Variants in RSF1 observed in about 807,000 individuals in gnomAD.
RSF1 encodes the protein HBV pX-associated protein 8.
RSF1 carries 13 observed loss-of-function variants against 145.2 expected under a neutral mutation model. That is an observed-to-expected ratio of 0.09 (90% confidence interval 0.06 to 0.14). RSF1 has a LOEUF of 0.14. Among genes scored for constraint, RSF1 ranks in the 10% least tolerant of loss-of-function variants. The pLI is 1.00. For synonymous variants in RSF1, 577 were observed against 592.6 expected (o/e 0.97, Z 0.38); for missense variants, 1,517 against 1,718.2 (o/e 0.88, Z 2.07).
At chr11:77,670,032 A>C (rs1271096045) in intron 15 of RSF1, among the ~76,000 whole-genome samples, 1 of 152,230 alleles carries the variant, frequency 6.6e-6, no homozygotes, top group Non-Finnish European at 1.5e-5. Context: ...AGGCTGAGGC[A>C]GGTGGACTGC....
At chr11:77,743,193 T>C (rs987803720) in intron 3 of RSF1, among the ~76,000 whole-genome samples, 2 of 152,206 alleles carry the variant, frequency 1.3e-5, no homozygotes, top group African/African-American at 4.8e-5. Context: ...GTTTTGTTCT[T>C]CTGGCTCAAG....
At chr11:77,758,340 C>T (rs1565171932) in intron 2 of RSF1, among the ~76,000 whole-genome samples, 1 of 152,096 alleles carries the variant, frequency 6.6e-6, no homozygotes, top group African/African-American at 2.4e-5. Context: ...CTGTTCAATG[C>T]AAAATCCATC....
Position 77,666,894 on chromosome 11 carries a change from A to G in RSF1, c.*23T>C. On this transcript the variant is annotated 3_prime_UTR_variant, in exon 16 of 16. Coordinates refer to ENST00000308488, the MANE Select transcript of RSF1 (RefSeq NM_016578.4). Reference sequence around the variant, plus strand: ...TGTGAGAGCTACCGTGGAATAAATTAGCACAAAAATGGAAAAAAAGTCTTA... The same window carrying G: ...TGTGAGAGCTACCGTGGAATAAATTGGCACAAAAATGGAAAAAAAGTCTTA... 3.3e-6 allele frequency: 5 copies of G among 1,498,350 alleles called. No homozygotes were observed. The highest frequency in any genetic ancestry group is 1.4e-5 in the South Asian group (1 of 70,862). The allele number at this position is 1,498,350 out of a possible 1,614,324, so 92.8% of individuals were successfully genotyped here. A position where few individuals can be genotyped will look rare whatever the true frequency, so the allele number is the denominator to read the frequency against.
intron 1 of RSF1, among the ~76,000 whole-genome samples, chr11:77,785,717 C>T (rs1371528472): frequency 2.0e-5 from 3 of 150,256 alleles, no homozygotes; most frequent in Admixed American, 6.6e-5. Context: ...TCTGGGAGGC[C>T]GAGGCAGGTG....
rs1381373486 is a variant in RSF1 at position 77,665,069 on chromosome 11, C to T, written c.*1848G>A. 6.6e-6 allele frequency: 1 copy of T among 151,954 alleles called. No homozygotes were observed. Among genetic ancestry groups the T allele is most frequent in the Non-Finnish European group, 1.5e-5 (1 of 68,000 alleles). 9.4% of individuals were successfully genotyped at this position (151,954 alleles called of 1,614,324 possible). A position where few individuals can be genotyped will look rare whatever the true frequency, so the allele number is the denominator to read the frequency against. ...AGAACTAAAGTGAAACAAAACAAAA[C>T]AACGAACAACTGAAAAACAATAGCT... is the stretch of plus-strand genomic sequence containing the variant. On this transcript the variant is annotated 3_prime_UTR_variant, in exon 16 of 16. Transcript: ENST00000308488.
intron 1 of RSF1, chr11:77,813,559 T>C: frequency 1.4e-6 from 1 of 706,298 alleles, no homozygotes. Context: ...GCTCCTCTGA[T>C]GAAGTCAGCA....
chr11:77,857,382 G>A, the RSF1 span, among the ~76,000 whole-genome samples: 1 of 152,122 alleles, frequency 6.6e-6, no homozygotes, highest in Non-Finnish European at 1.5e-5. Flanking sequence ...TAGAAGTGTA[G>A]GAGAAAATGC....
chr11:77,709,694 CT>C (rs60236346), intron 5 of RSF1, among the ~76,000 whole-genome samples: 27,160 of 150,086 alleles, frequency 0.18, 3,036 homozygotes, highest in African/African-American at 0.3. Flanking sequence ...TGTGCCAATT[CT>C]TTTTTTTTTA....
chr11:77,675,523 C>T (rs1490083078), intron 13 of RSF1, among the ~76,000 whole-genome samples: 1 of 152,182 alleles, frequency 6.6e-6, no homozygotes, highest in African/African-American at 2.4e-5. Flanking sequence ...TCGACATATT[C>T]AAAAGTGAAT....
intron 5 of RSF1, among the ~76,000 whole-genome samples, chr11:77,706,655 T>C (rs1177004794): frequency 6.6e-6 from 1 of 152,166 alleles, no homozygotes; most frequent in African/African-American, 2.4e-5. Context: ...ATTCCTCACT[T>C]TCCTAATTTT....
rs143988140 is a variant in RSF1 at position 77,679,606 on chromosome 11, G to C, written c.3066-1453C>G. ...GAGGATTGCTTGAGCCCAAGAGGCA[G>C]AGGATGAAGTAAGCCGAGAATGCAC... On this transcript the variant is annotated intron_variant, in intron 11 of 15. Coordinates refer to ENST00000308488, the MANE Select transcript of RSF1 (RefSeq NM_016578.4). Among the ~76,000 whole-genome samples, 27 of 151,618 alleles carry C rather than the reference G, an allele frequency of 1.8e-4. No individual in the cohort carries two copies. In the East Asian group the frequency reaches 5.2e-3, roughly 29 times the overall value.
At chr11:77,752,102 C>A (rs915463379) in intron 2 of RSF1, among the ~76,000 whole-genome samples, 1 of 152,092 alleles carries the variant, frequency 6.6e-6, no homozygotes, top group Non-Finnish European at 1.5e-5. Context: ...AGACAGACAG[C>A]GAGGGCAAAA....
chr11:77,701,044 G>C lies in RSF1; in HGVS notation c.2185C>G (p.Gln729Glu), dbSNP rs1325147615. ...ATTGTTAATTTGATGCCCTCTTTCT[G>C]CCTTTCAGAGGTTATCTCTGTATTT... The part of the protein sequence containing the change: ...SENTEITSER[Q>E]KEGIKLTIRI... Residue 729 changes from glutamine (Q) to glutamate (E), a missense_variant, in exon 6 of 16, where the codon CAG becomes GAG. Gln to Glu is a conservative substitution (Grantham distance 29). Around this residue, in one of 12 missense-constraint regions of RSF1, gnomAD observed 579 missense variants for 553.5 expected, o/e 1.05. Transcript: ENST00000308488. 1 of 1,613,660 alleles carries C rather than the reference G, an allele frequency of 6.2e-7. No individual in the cohort carries two copies. The highest frequency in any genetic ancestry group is 1.1e-5 in the South Asian group (1 of 91,078).
chr11:77,729,800 A>G (rs1446274538), intron 4 of RSF1, among the ~76,000 whole-genome samples: 1 of 149,816 alleles, frequency 6.7e-6, no homozygotes, highest in Non-Finnish European at 1.5e-5. Flanking sequence ...CAGTATAAAT[A>G]TAACAAGCCT....
chr11:77,793,560 A>T (rs1432252241), intron 1 of RSF1, among the ~76,000 whole-genome samples: 2 of 152,214 alleles, frequency 1.3e-5, no homozygotes, highest in Non-Finnish European at 1.5e-5. Context: ...AAAGACACAT[A>T]TAGACTAAAA....
intron 3 of RSF1, among the ~76,000 whole-genome samples, chr11:77,745,623 A>AGCCT (rs1248211520): frequency 6.6e-6 from 1 of 151,534 alleles, no homozygotes; most frequent in African/African-American, 2.4e-5. Flanking sequence ...TATTTTTGAA[A>AGCCT]GCCTGAGACA....
In RSF1 at chr11:77,661,524, C is replaced by T. The variant is rs1280458832; in HGVS notation, c.*5393G>A. The T allele has an allele frequency of 1.3e-5, 2 of 151,878 alleles. No individual in the cohort carries two copies. Among genetic ancestry groups the T allele is most frequent in the African/African-American group, 4.8e-5 (2 of 41,334 alleles). 9.4% of individuals were successfully genotyped at this position (151,878 alleles called of 1,614,324 possible). On this transcript the variant is annotated 3_prime_UTR_variant, in exon 16 of 16. Coordinates refer to ENST00000308488, the MANE Select transcript of RSF1 (RefSeq NM_016578.4). ...AGGGCTTGTTACTCTAATTTCAAGG[C>T]TTGTCCACATAGCAGTTGACATGCA...
chr11:77,792,614 A>G (rs1948528487), intron 1 of RSF1, among the ~76,000 whole-genome samples: 1 of 152,166 alleles, frequency 6.6e-6, no homozygotes, highest in Non-Finnish European at 1.5e-5. Flanking sequence ...AGGACAAAAC[A>G]GGTACCCCTG....
intron 1 of RSF1, among the ~76,000 whole-genome samples, chr11:77,774,664 C>G (rs1020004771): frequency 6.6e-6 from 1 of 151,050 alleles, no homozygotes; most frequent in African/African-American, 2.4e-5. Flanking sequence ...CAGTGGCTCA[C>G]GCCTGTAATC....
Sources: gnomAD v4.1 joint callset for allele counts (sites outside exome capture counted in the v4.1 genomes callset) on GRCh38, gnomAD v4.1.1 for gene constraint, gnomAD v4.1.1 regional missense constraint, MANE v1.5 for transcripts, NCBI Gene and HGNC (gene_info 2026-07-23, HGNC 2026-07-21) for gene names.